MLXIPL: variants seen among roughly 807,000 people sequenced by gnomAD.
The protein encoded by MLXIPL is carbohydrate-responsive element-binding protein.
MLXIPL carries 49 observed loss-of-function variants against 81.5 expected under a neutral mutation model. The ratio of observed to expected loss-of-function variants is 0.60; its 90% confidence interval spans 0.48 to 0.76. The LOEUF is 0.76. Ranked by LOEUF, MLXIPL falls within the 30% of genes least tolerant of loss-of-function variation. The probability of loss-of-function intolerance (pLI) is 0.00; values close to 1 mark genes in which losing one functional copy is unlikely to be tolerated. For missense variants in MLXIPL, 1,053 were observed against 1,167.0 expected (o/e 0.90, Z 1.42); for synonymous variants, 466 against 485.5 (o/e 0.96, Z 0.53).
intron 2 of MLXIPL, among the ~76,000 whole-genome samples, chr7:73,613,285 A>G (rs548957202): frequency 4.6e-5 from 7 of 152,268 alleles, no homozygotes; most frequent in Admixed American, 4.6e-4. Flanking sequence ...ATCTCACTGA[A>G]AACTCAGTGA....
intron 4 of MLXIPL, 50 bp from the exon 5 acceptor site, chr7:73,607,068 T>A (rs1554598398): frequency 6.3e-7 from 1 of 1,599,628 alleles, no homozygotes; most frequent in Admixed American, 1.7e-5. Context: ...CCATCCTCCA[T>A]CACTTTCCCC....
chr7:73,625,013 G>T (rs1405877694), upstream of MLXIPL, among the ~76,000 whole-genome samples: 1 of 151,894 alleles, frequency 6.6e-6, no homozygotes, highest in Non-Finnish European at 1.5e-5. Context: ...GCAAAACCCT[G>T]TCTCTACCAA....
chr7:73,637,949 C>A, the MLXIPL span, among the ~76,000 whole-genome samples: 1 of 152,156 alleles, frequency 6.6e-6, no homozygotes, highest in Non-Finnish European at 1.5e-5. Context: ...TTGGGGAACA[C>A]GCAGTGGCAC....
chr7:73,631,774 CCT>C, the MLXIPL span, among the ~76,000 whole-genome samples: 6 of 146,712 alleles, frequency 4.1e-5, no homozygotes, highest in Non-Finnish European at 4.5e-5. Flanking sequence ...TCCCTCTCTC[CCT>C]CTCTCTCTCT....
At chr7:73,621,540 TCCCCTCCAGGGGAC>T (rs1403725832) in intron 1 of MLXIPL, among the ~76,000 whole-genome samples, 5 of 151,748 alleles carry the variant, frequency 3.3e-5, no homozygotes, top group Non-Finnish European at 1.5e-5. Flanking sequence ...TGTAATCTGC[TCCCCTCCAGGGGAC>T]CCCTGGAACT....
chr7:73,644,636 T>A, the MLXIPL span, among the ~76,000 whole-genome samples: 1 of 152,328 alleles, frequency 6.6e-6, no homozygotes, highest in South Asian at 2.1e-4. Flanking sequence ...CTTCTGTCCC[T>A]CTTTTCCTCC....
At chr7:73,615,659 A>T (rs1222778392) in intron 2 of MLXIPL, among the ~76,000 whole-genome samples, 1 of 152,030 alleles carries the variant, frequency 6.6e-6, no homozygotes, top group Admixed American at 6.6e-5. Flanking sequence ...TCACGCCTGT[A>T]ATCCCAGCAC....
intron 1 of MLXIPL, among the ~76,000 whole-genome samples, chr7:73,621,052 AAAATAAATAAATAAAT>A (rs4027532): frequency 2.0e-5 from 3 of 148,648 alleles, no homozygotes; most frequent in African/African-American, 5.0e-5. Context: ...TCTGTCTCCA[AAAATAAATAAATAAAT>A]AAATAAATAA....
At chr7:73,604,441 T>A in intron 7 of MLXIPL, among the ~76,000 whole-genome samples, 1 of 149,780 alleles carries the variant, frequency 6.7e-6, no homozygotes, top group Non-Finnish European at 1.5e-5. Context: ...GGCATAATGG[T>A]GCGTGCCTGT....
At chr7:73,600,474 GT>G in intron 7 of MLXIPL, among the ~76,000 whole-genome samples, 1 of 68,014 alleles carries the variant, frequency 1.5e-5, no homozygotes. Flanking sequence ...GGGCCTAAGG[GT>G]GGGTTCTGAG....
chr7:73,607,781 G>A (rs1001219183), intron 2 of MLXIPL, 109 bp from the exon 3 acceptor site: 24 of 934,514 alleles, frequency 2.6e-5, no homozygotes, highest in Non-Finnish European at 3.5e-5. Flanking sequence ...GGCCTTTGAC[G>A]TTCAGATTAA....
At chr7:73,610,713 G>C (rs1358365911) in intron 2 of MLXIPL, 1 of 152,114 alleles carries the variant, frequency 6.6e-6, no homozygotes, top group Non-Finnish European at 1.5e-5. Context: ...GAGCTCAGGC[G>C]ATCCACCTCC....
chr7:73,639,883 C>A, the MLXIPL span, among the ~76,000 whole-genome samples: 3 of 150,062 alleles, frequency 2.0e-5, no homozygotes, highest in Non-Finnish European at 4.4e-5. Context: ...ACGGTGAAAC[C>A]CCGTCTCCAC....
chr7:73,633,149 C>T, the MLXIPL span, among the ~76,000 whole-genome samples: 5 of 150,092 alleles, frequency 3.3e-5, no homozygotes, highest in African/African-American at 9.8e-5. Context: ...GGCTCGATCT[C>T]GGCTCACTGC....
chr7:73,609,017 C>T (rs781824075), intron 2 of MLXIPL, among the ~76,000 whole-genome samples: 3 of 152,120 alleles, frequency 2.0e-5, no homozygotes, highest in Non-Finnish European at 4.4e-5. Context: ...CTGTGTTGCC[C>T]AGGCTGGTCT....
intron 2 of MLXIPL, among the ~76,000 whole-genome samples, chr7:73,615,713 A>G (rs150661491): frequency 0.044 from 6,620 of 152,070 alleles, 538 homozygotes; most frequent in African/African-American, 0.15. Flanking sequence ...TCAGGAGTTC[A>G]AGACCAGCCT....
Position 73,595,894 on chromosome 7 carries a change from C to T in MLXIPL, c.2134G>A (p.Glu712Lys), listed in dbSNP as rs782131804. ...MLQQERAGLQ[E>K]EAQQLRDEIE... ...TCATCCCGCAGCTGCTGGGCCTCCT[C>T]CTGCAAGCCCGCACGCTCCTGCTGT... Residue 712 changes from glutamate (E) to lysine (K), a missense_variant, in exon 14 of 17, where the codon GAG becomes AAG. Physicochemically the swap from Glu to Lys is moderately conservative, Grantham distance 56. This residue lies in a region of MLXIPL where 823 missense variants were observed against 933.0 expected (regional missense o/e 0.88). Transcript: ENST00000313375. 6.8e-6 allele frequency: 11 copies of T among 1,613,018 alleles called. No individual in the cohort carries two copies. In the South Asian group the frequency reaches 1.1e-4, roughly 16 times the overall value.
upstream of MLXIPL, chr7:73,624,613 G>C (rs541450997): frequency 7.2e-7 from 1 of 1,382,374 alleles, no homozygotes; most frequent in Non-Finnish European, 9.3e-7. Context: ...GGTGGGCGGG[G>C]CCTGGGACGG....
At chr7:73,603,978 G>T (rs1795086945) in intron 7 of MLXIPL, among the ~76,000 whole-genome samples, 1 of 152,116 alleles carries the variant, frequency 6.6e-6, no homozygotes, top group African/African-American at 2.4e-5. Flanking sequence ...CACTTTGGGA[G>T]TCCGAGGTGG....
Sources: allele counts gnomAD v4.1 joint callset (sites outside exome capture counted in the v4.1 genomes callset), GRCh38; gene constraint gnomAD v4.1.1; regional missense constraint gnomAD v4.1.1; transcripts MANE v1.5; gene names NCBI Gene and HGNC (gene_info 2026-07-23, HGNC 2026-07-21).